Variants in ANK2 observed in about 807,000 individuals in gnomAD.
The protein encoded by ANK2 is ankyrin 2.
ANK2 carries 83 observed loss-of-function variants against 360.5 expected under a neutral mutation model. That is an observed-to-expected ratio of 0.23 (90% CI 0.19 to 0.28). The LOEUF (loss-of-function observed/expected upper bound fraction) is 0.28. Ranked by LOEUF, ANK2 falls within the 10% of genes least tolerant of loss-of-function variation. The pLI is 1.00. For synonymous variants in ANK2, 1,740 were observed against 1,759.5 expected (o/e 0.99, Z 0.28); for missense variants, 4,201 against 4,795.7 (o/e 0.88, Z 3.66).
At chr4:113,303,586 A>G (rs2075932427) in intron 23 of ANK2, among the ~76,000 whole-genome samples, 1 of 152,202 alleles carries the variant, frequency 6.6e-6, no homozygotes, top group Admixed American at 6.5e-5. Context: ...CAACTAGAGT[A>G]GCTGACTTTT....
Position 113,353,809 on chromosome 4 carries a change from G to C in ANK2, c.5191G>C (p.Gly1731Arg). The C allele has an allele frequency of 6.2e-7, 1 of 1,613,978 alleles. No homozygotes were observed. The highest frequency in any genetic ancestry group is 8.5e-7 in the Non-Finnish European group (1 of 1,179,988). Reference sequence around the variant, plus strand: ...TGCAGAGAAAGCTGAACTTAAAAAAGGTAGTTCAGAAGAGTCATTAGGTGA... The same window carrying C: ...TGCAGAGAAAGCTGAACTTAAAAAACGTAGTTCAGAAGAGTCATTAGGTGA... ...ASAEKAELKK[G>R]SSEESLGEDP... The change falls in exon 38 of 46, where the codon GGT becomes CGT. Residue 1731 changes from glycine (G) to arginine (R), a missense_variant. Around this residue, in one of 4 missense-constraint regions of ANK2, gnomAD observed 2,642 missense variants for 2,714.5 expected, o/e 0.97. Coordinates refer to ENST00000357077, the MANE Select transcript of ANK2 (RefSeq NM_001148.6).
intron 2 of ANK2, among the ~76,000 whole-genome samples, chr4:112,922,208 T>C (rs2151190539): frequency 6.6e-6 from 1 of 152,264 alleles, no homozygotes; most frequent in South Asian, 2.1e-4. Context: ...ACAGAAAGCA[T>C]TTTTTGAGTA....
chr4:113,290,243 A>C lies in ANK2; in HGVS notation c.2277+1757A>C, dbSNP rs78645418. On this transcript the variant is annotated intron_variant, in intron 20 of 45. Transcript: ENST00000357077. ...GAACCATATATCTTTAGGGAAATAG[A>C]TACAAACCTCAAAGGACAGTCTTTT... Among the ~76,000 whole-genome samples, 62 of 151,802 alleles carry C rather than the reference A, an allele frequency of 4.1e-4. No individual in the cohort carries two copies. The East Asian group carries it at 9.7e-3, about 24-fold the overall frequency.
At chr4:113,210,125 T>G (rs955568553) in intron 4 of ANK2, among the ~76,000 whole-genome samples, 2 of 152,188 alleles carry the variant, frequency 1.3e-5, no homozygotes, top group African/African-American at 4.8e-5. Flanking sequence ...AAGTTTCTTA[T>G]TTACTTCTCA....
Position 113,358,308 on chromosome 4 carries a change from G to T in ANK2, c.9690G>T (p.Thr3230=). 6.2e-7 allele frequency: 1 copy of T among 1,613,290 alleles called. No homozygotes were observed. Among genetic ancestry groups the T allele is most frequent in the Non-Finnish European group, 8.5e-7 (1 of 1,179,490 alleles). ...VGTKDLPTVQ[T]GDIPPLSGVK... The stretch of plus-strand genomic sequence containing the variant: ...CCAAGGACCTCCCCACCGTGCAAAC[G>T]GGTGATATACCTCCTCTCTCTGGTG... Residue 3230 remains threonine, a synonymous_variant, in exon 38 of 46, where the codon ACG becomes ACT. Transcript: ENST00000357077.
At chr4:113,225,206 A>C (rs574082901) in intron 4 of ANK2, among the ~76,000 whole-genome samples, 1 of 152,274 alleles carries the variant, frequency 6.6e-6, no homozygotes, top group Non-Finnish European at 1.5e-5. Flanking sequence ...GGGCCATAAT[A>C]TACCTTCTTC....
rs529341944 is a variant in ANK2, at chr4:112,988,568, A to G, written c.21+84054A>G. Reference sequence around the variant, plus strand: ...AAACAGTTTGCTACAGGCCAGTCCAATGTAGTCACTTCCAGTTCCCAGATT... The same window carrying G: ...AAACAGTTTGCTACAGGCCAGTCCAGTGTAGTCACTTCCAGTTCCCAGATT... On this transcript the variant is annotated intron_variant, in intron 2 of 30. Coordinates refer to the ANK2 transcript ENST00000503271. Among the ~76,000 whole-genome samples, 8 of 152,242 alleles carry G rather than the reference A, an allele frequency of 5.3e-5. No individual in the cohort carries two copies. The South Asian group carries it at 1.2e-3, about 24-fold the overall frequency.
chr4:112,925,759 T>C (rs1276242298), intron 2 of ANK2, among the ~76,000 whole-genome samples: 1 of 152,226 alleles, frequency 6.6e-6, no homozygotes, highest in Non-Finnish European at 1.5e-5. Flanking sequence ...GTAGTTTAAT[T>C]AAAGTTGTAG....
At chr4:113,225,219 G>T (rs748398295) in intron 4 of ANK2, among the ~76,000 whole-genome samples, 1 of 152,008 alleles carries the variant, frequency 6.6e-6, no homozygotes, top group African/African-American at 2.4e-5. Flanking sequence ...CCTTCTTCAC[G>T]GAGTTAATTG....
chr4:113,270,846 A>G (rs1404953650), intron 14 of ANK2, among the ~76,000 whole-genome samples: 4 of 152,236 alleles, frequency 2.6e-5, no homozygotes, highest in Non-Finnish European at 4.4e-5. Context: ...TTTCCTATTC[A>G]TAAGTCCTAT....
At chr4:112,747,081 C>T in the ANK2 span, among the ~76,000 whole-genome samples, 1 of 152,014 alleles carries the variant, frequency 6.6e-6, no homozygotes, top group Admixed American at 6.5e-5. Context: ...GGAGCAACAC[C>T]AACCTTATCT....
chr4:113,290,187 G>A (rs1207361422), intron 20 of ANK2, among the ~76,000 whole-genome samples: 2 of 146,084 alleles, frequency 1.4e-5, no homozygotes, highest in East Asian at 2.0e-4. Context: ...TTTTTTTTAA[G>A]TGAACTAAGT....
At chr4:113,166,055 A>G (rs2097744610) in intron 1 of ANK2, among the ~76,000 whole-genome samples, 1 of 152,166 alleles carries the variant, frequency 6.6e-6, no homozygotes, top group African/African-American at 2.4e-5. Flanking sequence ...TGAGTTCTGT[A>G]GGCATTTCAG....
chr4:113,233,895 T>C (rs2099350298), intron 5 of ANK2, among the ~76,000 whole-genome samples: 2 of 152,182 alleles, frequency 1.3e-5, no homozygotes, highest in Non-Finnish European at 2.9e-5. Flanking sequence ...GACCTTTTTT[T>C]CCCTCAGACA....
At chr4:113,034,828 C>T (rs957528124) in intron 2 of ANK2, 3 of 151,886 alleles carry the variant, frequency 2.0e-5, no homozygotes, top group African/African-American at 7.2e-5. Context: ...ACAGTTTAGA[C>T]ATTATTAAAT....
rs538322669 is a variant in ANK2, at chr4:113,380,586, C to T, written c.11860-871C>T. 5.4e-4 allele frequency among the ~76,000 whole-genome samples: 83 copies of T among 152,300 alleles called. 1 individual carries two copies. In the Middle Eastern group the frequency reaches 0.01, roughly 19 times the overall value. ...CTGAGGCCAGAGAATCGCTTGAACC[C>T]GGGAGGCAGAGGTTGCAGTGAGCCA... On this transcript the variant is annotated intron_variant, in intron 45 of 45. Coordinates refer to ENST00000357077, the MANE Select transcript of ANK2 (RefSeq NM_001148.6).
chr4:112,935,500 T>C (rs1285297917), intron 2 of ANK2, among the ~76,000 whole-genome samples: 1 of 152,168 alleles, frequency 6.6e-6, no homozygotes, highest in Non-Finnish European at 1.5e-5. Context: ...TCTGTTATTA[T>C]TGAAGCACAC....
intron 2 of ANK2, among the ~76,000 whole-genome samples, chr4:112,972,446 C>T (rs894473296): frequency 3.9e-5 from 6 of 152,110 alleles, no homozygotes; most frequent in Admixed American, 3.9e-4. Flanking sequence ...TTCTGTGCTT[C>T]TTAGACATCT....
chr4:112,726,667 C>A, the ANK2 span, among the ~76,000 whole-genome samples: 1 of 151,862 alleles, frequency 6.6e-6, no homozygotes, highest in Admixed American at 6.6e-5. Flanking sequence ...CTGGCTAACA[C>A]AGTGAAACCC....
Sources: allele counts gnomAD v4.1 joint callset (sites outside exome capture counted in the v4.1 genomes callset), GRCh38; gene constraint gnomAD v4.1.1; regional missense constraint gnomAD v4.1.1; transcripts MANE v1.5; gene names NCBI Gene and HGNC (gene_info 2026-07-23, HGNC 2026-07-21).